Variants in ZNF609 observed in about 807,000 individuals in gnomAD.
The protein encoded by ZNF609 is zinc finger protein 609.
ZNF609 carries 11 observed loss-of-function variants against 109.5 expected under a neutral mutation model. That is an observed-to-expected ratio of 0.10 (90% CI 0.06 to 0.17). The LOEUF is 0.17. Ranked by LOEUF, ZNF609 falls within the 10% of genes least tolerant of loss-of-function variation. ZNF609 has a pLI of 1.00. For synonymous variants in ZNF609, 646 were observed against 662.0 expected, an observed-to-expected ratio of 0.98 and a Z score of 0.37; for missense variants, 1,559 against 1,772.4, an observed-to-expected ratio of 0.88 and a Z score of 2.16.
chr15:64,681,429 G>C (rs775975321), intron 9 of ZNF609, 42 bp downstream of exon 9: 1 of 1,527,716 alleles, frequency 6.5e-7, no homozygotes, highest in Non-Finnish European at 9.1e-7. Flanking sequence ...ATAAAGCCGG[G>C]ATAGTTGCTA....
rs36226491 is a variant in ZNF609 at position 64,625,936 on chromosome 15, TAGAGAGAGAGAGAGAGAGAG to T, written c.973+2899_973+2918del. Among the ~76,000 whole-genome samples the T allele has an allele frequency of 1.3e-4, 10 of 79,592 alleles. No homozygotes were observed. The East Asian group carries it at 1.8e-3, about 15-fold the overall frequency. The allele number at this position is 79,592 out of a possible 152,430, so 52.2% of individuals were successfully genotyped here. On this transcript the variant is annotated intron_variant, in intron 3 of 9. Coordinates refer to ENST00000326648, the MANE Select transcript of ZNF609 (RefSeq NM_015042.2). ...AAAAATATATATATATATATATATA[TAGAGAGAGAGAGAGAGAGAG>T]AGAGAGAGAGAGAGGATATTAAAAT...
intron 2 of ZNF609, among the ~76,000 whole-genome samples, chr15:64,573,471 C>T (rs1894897165): frequency 6.7e-6 from 1 of 149,828 alleles, no homozygotes; most frequent in Non-Finnish European, 1.5e-5. Context: ...TCTCCTGCCT[C>T]AGCCTCCCGA....
At position 64,675,056 on chromosome 15, in the gene ZNF609, G is replaced by A; in HGVS notation, c.2202G>A (p.Lys734=). ...AKDKKKKDKK[K]KESSKELESP... is the part of the protein sequence containing the mutation. ...ACAAGAAAAAGAAAGACAAAAAAAA[G>A]AAGGAATCTTCAAAGGAACTTGAAA... Residue 734 remains lysine (K), a synonymous_variant, in exon 5 of 10, where the codon AAG becomes AAA. Coordinates refer to ENST00000326648, the MANE Select transcript of ZNF609 (RefSeq NM_015042.2). 2 of 1,614,172 alleles carry A rather than the reference G, an allele frequency of 1.2e-6. No individual in the cohort carries two copies. Among genetic ancestry groups the A allele is most frequent in the Middle Eastern group, 1.6e-4 (1 of 6,062 alleles).
At position 64,499,408 on chromosome 15, in the gene ZNF609, G is replaced by A. The variant is rs200746592; in HGVS notation, c.-12G>A. The A allele has an allele frequency of 2.8e-4, 454 of 1,608,888 alleles. No homozygotes were observed. Among genetic ancestry groups the A allele is most frequent in the Non-Finnish European group, 1.8e-4 (209 of 1,176,688 alleles). ...AGAGCCTTGAATCTTGAGGTGGGAC[G>A]TTGACTCTAAGATGTCCTTGAGCAG... On this transcript the variant is annotated 5_prime_UTR_variant, in exon 2 of 10. Transcript: ENST00000326648.
intron 3 of ZNF609, among the ~76,000 whole-genome samples, chr15:64,645,897 A>G (rs1255163921): frequency 6.6e-6 from 1 of 152,194 alleles, no homozygotes; most frequent in African/African-American, 2.4e-5. Flanking sequence ...GTTCAAGAGG[A>G]TGTGGAGAAA....
intron 1 of ZNF609, among the ~76,000 whole-genome samples, chr15:64,493,253 T>C (rs1241929266): frequency 6.6e-6 from 1 of 152,172 alleles, no homozygotes; most frequent in Non-Finnish European, 1.5e-5. Flanking sequence ...GTTGCTGTTT[T>C]TGCCCTCTGA....
At chr15:64,555,990 C>CT (rs796942761) in intron 2 of ZNF609, among the ~76,000 whole-genome samples, 2,038 of 140,122 alleles carry the variant, frequency 0.015, 38 homozygotes, top group African/African-American at 0.049. Flanking sequence ...CAATAACTAC[C>CT]TTTTTTTTTT....
At chr15:64,611,194 T>C (rs1201509565) in intron 2 of ZNF609, among the ~76,000 whole-genome samples, 1 of 152,114 alleles carries the variant, frequency 6.6e-6, no homozygotes, top group Non-Finnish European at 1.5e-5. Flanking sequence ...CTTGTAACCA[T>C]ACAGGAATAG....
chr15:64,534,006 T>C (rs1894099350), intron 2 of ZNF609, among the ~76,000 whole-genome samples: 1 of 151,404 alleles, frequency 6.6e-6, no homozygotes, highest in Non-Finnish European at 1.5e-5. Context: ...CAATCACTGT[T>C]ATTAACCTTT....
chr15:64,536,727 C>A (rs1894151866), intron 2 of ZNF609, among the ~76,000 whole-genome samples: 1 of 147,278 alleles, frequency 6.8e-6, no homozygotes, highest in African/African-American at 2.5e-5. Flanking sequence ...AATTCCACCC[C>A]CCCCCCCAAA....
chr15:64,608,172 C>T (rs562286329), intron 2 of ZNF609, among the ~76,000 whole-genome samples: 2 of 152,146 alleles, frequency 1.3e-5, no homozygotes, highest in Non-Finnish European at 2.9e-5. Context: ...GCTAGGATTA[C>T]AAGCCTGAGC....
chr15:64,515,578 G>A (rs1487736793), intron 2 of ZNF609, among the ~76,000 whole-genome samples: 4 of 152,060 alleles, frequency 2.6e-5, no homozygotes, highest in African/African-American at 9.7e-5. Context: ...GGGAGGGGTA[G>A]GATAGAGGAG....
intron 2 of ZNF609, among the ~76,000 whole-genome samples, chr15:64,609,157 CTCTTTCTT>C (rs1429157618): frequency 1.2e-5 from 1 of 84,388 alleles, no homozygotes; most frequent in Non-Finnish European, 2.6e-5. Context: ...TTCTCTCTCT[CTCTTTCTT>C]TCTTTCTGTC....
intron 4 of ZNF609, among the ~76,000 whole-genome samples, chr15:64,673,521 C>G (rs1329275551): frequency 6.6e-6 from 1 of 152,180 alleles, no homozygotes; most frequent in Non-Finnish European, 1.5e-5. Flanking sequence ...AGGCATTGGG[C>G]TAAAAGTAGA....
chr15:64,657,181 C>T (rs555570366), intron 3 of ZNF609, among the ~76,000 whole-genome samples: 2 of 150,906 alleles, frequency 1.3e-5, no homozygotes, highest in Admixed American at 1.3e-4. Flanking sequence ...ATCACTTGAA[C>T]CCAGGAGGTG....
intron 1 of ZNF609, among the ~76,000 whole-genome samples, chr15:64,495,960 A>G (rs1169416875): frequency 1.3e-5 from 2 of 152,048 alleles, no homozygotes; most frequent in Non-Finnish European, 2.9e-5. Context: ...GTGGGATTAC[A>G]GGCACATGCC....
chr15:64,625,936 T>TAGAGAGAGAG (rs36226491), intron 3 of ZNF609, among the ~76,000 whole-genome samples: 14 of 79,590 alleles, frequency 1.8e-4, no homozygotes, highest in African/African-American at 9.1e-4. Flanking sequence ...TATATATATA[T>TAGAGAGAGAG]AGAGAGAGAG....
chr15:64,635,907 C>T (rs1369813937), intron 3 of ZNF609, among the ~76,000 whole-genome samples: 1 of 152,188 alleles, frequency 6.6e-6, no homozygotes, highest in African/African-American at 2.4e-5. Context: ...TTCTCCACCT[C>T]TTCTGATACC....
intron 2 of ZNF609, among the ~76,000 whole-genome samples, chr15:64,590,614 T>G (rs904843106): frequency 2.0e-5 from 3 of 151,750 alleles, no homozygotes; most frequent in African/African-American, 7.3e-5. Flanking sequence ...CCACCTGGCC[T>G]TCATATATAG....
Sources: gnomAD v4.1 joint callset for allele counts (sites outside exome capture counted in the v4.1 genomes callset) on GRCh38, gnomAD v4.1.1 for gene constraint, MANE v1.5 for transcripts, NCBI Gene and HGNC (gene_info 2026-07-23, HGNC 2026-07-21) for gene names.